The following PRRX1 variants were observed in gnomAD, a reference collection of about 807,000 sequenced individuals.
The protein encoded by PRRX1 is paired mesoderm homeobox protein 1.
A neutral mutation model predicts 24.0 loss-of-function variants in PRRX1; 8 were observed. The ratio of observed to expected loss-of-function variants is 0.33; its 90% CI spans 0.20 to 0.60. The LOEUF is 0.60. Among genes scored for constraint, PRRX1 ranks in the 20% least tolerant of loss-of-function variants. The pLI, the probability that PRRX1 is intolerant of heterozygous loss-of-function variation, is 0.82. For missense variants in PRRX1, 281 were observed against 322.4 expected, an observed-to-expected ratio of 0.87 and a Z score of 0.98; for synonymous variants, 160 against 131.7, an observed-to-expected ratio of 1.22 and a Z score of -1.47.
chr1:170,698,457 AAT>A (rs1377167012), intron 1 of PRRX1, among the ~76,000 whole-genome samples: 8 of 152,326 alleles, frequency 5.3e-5, no homozygotes, highest in African/African-American at 1.9e-4. Context: ...GCTTCAGCTC[AAT>A]GCAAAAAGGC....
intron 1 of PRRX1, among the ~76,000 whole-genome samples, chr1:170,678,469 T>C (rs966190385): frequency 6.6e-6 from 1 of 152,230 alleles, no homozygotes; most frequent in Non-Finnish European, 1.5e-5. Flanking sequence ...ATGTGCCTTA[T>C]GCAAGAGAGA....
chr1:170,690,989 A>C (rs983393953), intron 1 of PRRX1, among the ~76,000 whole-genome samples: 1 of 152,172 alleles, frequency 6.6e-6, no homozygotes, highest in African/African-American at 2.4e-5. Flanking sequence ...TTATCTAGAC[A>C]GACAAAAAGA....
intron 1 of PRRX1, among the ~76,000 whole-genome samples, chr1:170,711,526 G>A (rs938136732): frequency 6.6e-6 from 1 of 152,118 alleles, no homozygotes; most frequent in Non-Finnish European, 1.5e-5. Flanking sequence ...TCTGCTTCCA[G>A]TCTTGGTTTT....
intron 2 of PRRX1, among the ~76,000 whole-genome samples, chr1:170,725,839 A>T (rs1655238067): frequency 6.6e-6 from 1 of 152,246 alleles, no homozygotes; most frequent in African/African-American, 2.4e-5. Flanking sequence ...AGAATTTTGA[A>T]AAAGCTTTTA....
intron 1 of PRRX1, among the ~76,000 whole-genome samples, chr1:170,712,288 T>C (rs1411937577): frequency 1.3e-5 from 2 of 152,166 alleles, no homozygotes; most frequent in Non-Finnish European, 2.9e-5. Context: ...ATGGAACTTT[T>C]GGGGCAAACA....
chr1:170,736,393 A>G lies in PRRX1; in HGVS notation c.*207A>G, dbSNP rs900723920. 5 of 639,456 alleles carry G rather than the reference A, an allele frequency of 7.8e-6. No individual in the cohort carries two copies. Among genetic ancestry groups the G allele is most frequent in the African/African-American group, 3.7e-5 (2 of 54,380 alleles). 39.6% of individuals were successfully genotyped at this position (639,456 alleles called of 1,614,324 possible). On this transcript the variant is annotated 3_prime_UTR_variant, in exon 4 of 4. Coordinates refer to ENST00000239461, the MANE Select transcript of PRRX1 (RefSeq NM_022716.4). ...AACAAATGTTCCTCCTCCCTCTGGG[A>G]TACCACCACCACTTGTTTCTGTGTG...
At chr1:170,717,734 A>G (rs1654953249) in intron 1 of PRRX1, among the ~76,000 whole-genome samples, 1 of 152,210 alleles carries the variant, frequency 6.6e-6, no homozygotes, top group Non-Finnish European at 1.5e-5. Flanking sequence ...ATGAATAGGA[A>G]TGGGAGGAAT....
At chr1:170,687,156 A>G (rs1354974853) in intron 1 of PRRX1, among the ~76,000 whole-genome samples, 1 of 152,090 alleles carries the variant, frequency 6.6e-6, no homozygotes, top group African/African-American at 2.4e-5. Context: ...TTTACAAGTC[A>G]GAATGTTGTG....
chr1:170,691,426 C>T (rs2101898194), intron 1 of PRRX1, among the ~76,000 whole-genome samples: 1 of 150,146 alleles, frequency 6.7e-6, no homozygotes, highest in Admixed American at 6.7e-5. Flanking sequence ...TTCCCTTTTC[C>T]TTCCCTTTCC....
chr1:170,731,497 G>T (rs1655435875), intron 3 of PRRX1, among the ~76,000 whole-genome samples: 1 of 152,176 alleles, frequency 6.6e-6, no homozygotes, highest in Non-Finnish European at 1.5e-5. Flanking sequence ...CAATTGTTTT[G>T]TGATTTGTGG....
chr1:170,678,372 G>A (rs146706641), intron 1 of PRRX1, among the ~76,000 whole-genome samples: 367 of 152,316 alleles, frequency 2.4e-3, no homozygotes, highest in African/African-American at 8.4e-3. Flanking sequence ...TGTCGTACAT[G>A]TGGAGAAAAC....
At chr1:170,667,801 A>G (rs1284073908) in intron 1 of PRRX1, 2 of 152,256 alleles carry the variant, frequency 1.3e-5, no homozygotes, top group Non-Finnish European at 2.9e-5. Flanking sequence ...AGCTATATAG[A>G]AACAGTCCTC....
rs1654074800 is a variant in PRRX1, at chr1:170,693,948, T to G, written c.242-25778T>G. 2.0e-5 allele frequency among the ~76,000 whole-genome samples: 3 copies of G among 152,170 alleles called. No homozygotes were observed. In the South Asian group the frequency reaches 6.2e-4, roughly 32 times the overall value. On this transcript the variant is annotated intron_variant, in intron 1 of 3. Transcript: ENST00000239461. ...TCCATCTTATTTATACATATTTTAT[T>G]ACTAGTTTTTTTTTCATGTTTTCAC... is the stretch of plus-strand genomic sequence containing the variant.
intron 1 of PRRX1, among the ~76,000 whole-genome samples, chr1:170,679,586 A>G (rs1303766241): frequency 2.0e-5 from 3 of 152,064 alleles, no homozygotes; most frequent in Non-Finnish European, 4.4e-5. Context: ...TTTTCAGTAG[A>G]GACGGGGCTT....
chr1:170,723,592 T>C (rs995292331), intron 2 of PRRX1, among the ~76,000 whole-genome samples: 1 of 152,236 alleles, frequency 6.6e-6, no homozygotes, highest in Admixed American at 6.5e-5. Context: ...ATGAATTGGA[T>C]GTCCTTGACT....
intron 1 of PRRX1, among the ~76,000 whole-genome samples, chr1:170,687,904 C>A (rs999275764): frequency 1.3e-5 from 2 of 151,814 alleles, no homozygotes; most frequent in Non-Finnish European, 2.9e-5. Context: ...AGCAAGTGGC[C>A]AAATACTTCT....
At chr1:170,710,166 C>G (rs140583963) in intron 1 of PRRX1, among the ~76,000 whole-genome samples, 1 of 152,056 alleles carries the variant, frequency 6.6e-6, no homozygotes, top group Non-Finnish European at 1.5e-5. Context: ...AAGATAAAAT[C>G]CAGCCTAACT....
intron 1 of PRRX1, among the ~76,000 whole-genome samples, chr1:170,670,727 G>A (rs1653116560): frequency 6.6e-6 from 1 of 152,170 alleles, no homozygotes; most frequent in Non-Finnish European, 1.5e-5. Context: ...TTAGGGCCAT[G>A]TTAGCGTAGG....
chr1:170,725,254 C>T (rs144792925), intron 2 of PRRX1, among the ~76,000 whole-genome samples: 43 of 151,940 alleles, frequency 2.8e-4, no homozygotes, highest in African/African-American at 1.0e-3. Context: ...ATGTAGCAAA[C>T]CTGCACATCC....
Sources: gnomAD v4.1 joint callset for allele counts (sites outside exome capture counted in the v4.1 genomes callset) on GRCh38, gnomAD v4.1.1 for gene constraint, MANE v1.5 for transcripts, NCBI Gene and HGNC (gene_info 2026-07-23, HGNC 2026-07-21) for gene names.